Variants in TNFSF4 observed in about 807,000 individuals in gnomAD.
The protein encoded by TNFSF4 is tumor necrosis factor ligand superfamily member 4.
TNFSF4 carries 4 observed loss-of-function variants against 7.3 expected under a neutral mutation model. The observed-to-expected ratio is 0.55, with a 90% CI of 0.27 to 1.25. TNFSF4 has a LOEUF of 1.25. Ranked by LOEUF, TNFSF4 falls within the 50% of genes most tolerant of loss-of-function variation. TNFSF4 has a pLI of 0.12. For synonymous variants in TNFSF4, 76 were observed against 83.7 expected (o/e 0.91, Z 0.50); for missense variants, 181 against 208.8 (o/e 0.87, Z 0.82).
chr1:173,426,005 A>G, the TNFSF4 span, among the ~76,000 whole-genome samples: 1 of 152,276 alleles, frequency 6.6e-6, no homozygotes, highest in Non-Finnish European at 1.5e-5. Context: ...GAGAAAAGGC[A>G]TATAGACTTA....
the TNFSF4 span, among the ~76,000 whole-genome samples, chr1:173,368,840 C>G: frequency 6.6e-5 from 10 of 152,168 alleles, no homozygotes; most frequent in Non-Finnish European, 1.0e-4. Flanking sequence ...TTCCTCCCAC[C>G]TCTCTTCTCC....
At chr1:173,390,737 C>CTTTTTTTTTTTTTTTTTTTTTTTTTTTTT in the TNFSF4 span, among the ~76,000 whole-genome samples, 1 of 131,602 alleles carries the variant, frequency 7.6e-6, no homozygotes, top group African/African-American at 2.9e-5. Context: ...CATTCTGCTT[C>CTTTTTTTTTTTTTTTTTTTTTTTTTTTTT]TTTTTTTTTT....
At chr1:173,409,719 A>T in the TNFSF4 span, among the ~76,000 whole-genome samples, 1 of 152,278 alleles carries the variant, frequency 6.6e-6, no homozygotes, top group South Asian at 2.1e-4. Flanking sequence ...TCTGGCATAA[A>T]AATATGACTC....
Position 173,205,559 on chromosome 1 carries a change from A to G in TNFSF4, c.153+1465T>C, listed in dbSNP as rs1258116021. On this transcript the variant is annotated intron_variant, in intron 1 of 2. Transcript: ENST00000281834. ...AATGGAGCCATGTGTCCTGTGTTTTATCATCCCATGGTGTAAGGAAATATG... is the reference window on the plus strand; with the variant it reads ...AATGGAGCCATGTGTCCTGTGTTTTGTCATCCCATGGTGTAAGGAAATATG... 5 of 1,291,134 alleles carry G rather than the reference A, an allele frequency of 3.9e-6. No homozygotes were observed. The African/African-American group carries it at 7.5e-5, about 19-fold the overall frequency. The allele number at this position is 1,291,134 out of a possible 1,614,324, so 80.0% of individuals were successfully genotyped here.
the TNFSF4 span, among the ~76,000 whole-genome samples, chr1:173,408,631 G>T: frequency 6.6e-6 from 1 of 151,672 alleles, no homozygotes; most frequent in Non-Finnish European, 1.5e-5. Flanking sequence ...TCTCACTCCT[G>T]TCACTCAGGC....
chr1:173,295,716 T>C, the TNFSF4 span, among the ~76,000 whole-genome samples: 2 of 152,124 alleles, frequency 1.3e-5, no homozygotes, highest in South Asian at 4.1e-4. Flanking sequence ...ATCTTCAACG[T>C]CATCTTATCC....
chr1:173,443,595 T>C, the TNFSF4 span, among the ~76,000 whole-genome samples: 3 of 152,182 alleles, frequency 2.0e-5, no homozygotes, highest in Non-Finnish European at 2.9e-5. Flanking sequence ...TAGATATAAA[T>C]AGACACATAT....
At chr1:173,366,491 G>A in the TNFSF4 span, among the ~76,000 whole-genome samples, 1 of 152,188 alleles carries the variant, frequency 6.6e-6, no homozygotes, top group Non-Finnish European at 1.5e-5. Flanking sequence ...TGGAGGGGTT[G>A]AAGGAAACAG....
the TNFSF4 span, among the ~76,000 whole-genome samples, chr1:173,272,960 T>A: frequency 6.6e-6 from 1 of 152,132 alleles, no homozygotes; most frequent in African/African-American, 2.4e-5. Flanking sequence ...TGGAACCCAT[T>A]GAGTGAGAAG....
At chr1:173,443,394 A>G in the TNFSF4 span, among the ~76,000 whole-genome samples, 2 of 152,204 alleles carry the variant, frequency 1.3e-5, no homozygotes, top group Non-Finnish European at 2.9e-5. Context: ...CATGCATACA[A>G]TGATTACAAT....
At chr1:173,194,149 C>T (rs1649597959) in intron 1 of TNFSF4, among the ~76,000 whole-genome samples, 2 of 152,306 alleles carry the variant, frequency 1.3e-5, no homozygotes, top group African/African-American at 4.8e-5. Flanking sequence ...AAAAAGCATG[C>T]CTGTCCAAAA....
chr1:173,357,778 G>T, the TNFSF4 span, among the ~76,000 whole-genome samples: 1 of 152,020 alleles, frequency 6.6e-6, no homozygotes, highest in African/African-American at 2.4e-5. Flanking sequence ...CAGGTGATCT[G>T]CCCGCCTCAG....
intron 1 of TNFSF4, among the ~76,000 whole-genome samples, chr1:173,193,949 A>ATGT (rs931242248): frequency 1.6e-4 from 25 of 152,264 alleles, no homozygotes; most frequent in East Asian, 7.7e-4. Context: ...CCACCAAAAT[A>ATGT]TGTTGTTGTT....
chr1:173,210,118 TA>T (rs556575284), upstream of TNFSF4, among the ~76,000 whole-genome samples: 6 of 151,810 alleles, frequency 4.0e-5, no homozygotes, highest in Non-Finnish European at 8.8e-5. Context: ...TTTTTGGTGA[TA>T]AAAAAAATCT....
At chr1:173,389,561 G>T in the TNFSF4 span, among the ~76,000 whole-genome samples, 60 of 152,222 alleles carry the variant, frequency 3.9e-4, no homozygotes, top group African/African-American at 1.4e-3. Flanking sequence ...AAGCAAGCCT[G>T]ACTTTATAAT....
At chr1:173,445,652 ATGGTCC>A in the TNFSF4 span, among the ~76,000 whole-genome samples, 18 of 152,116 alleles carry the variant, frequency 1.2e-4, no homozygotes, top group African/African-American at 4.3e-4. Flanking sequence ...AGCACCCAAA[ATGGTCC>A]TGGTCACAGG....
the TNFSF4 span, among the ~76,000 whole-genome samples, chr1:173,287,556 A>G: frequency 9.2e-5 from 14 of 152,308 alleles, no homozygotes; most frequent in African/African-American, 7.2e-5. Context: ...ATGATTCAGC[A>G]ATTATACTAC....
chr1:173,225,467 G>T, the TNFSF4 span, among the ~76,000 whole-genome samples: 1 of 152,080 alleles, frequency 6.6e-6, no homozygotes, highest in Non-Finnish European at 1.5e-5. Flanking sequence ...TGTATGCTTG[G>T]CTTTGCCCTT....
chr1:173,313,361 C>G, the TNFSF4 span, among the ~76,000 whole-genome samples: 1 of 152,072 alleles, frequency 6.6e-6, no homozygotes, highest in East Asian at 1.9e-4. Context: ...CTAACATTCT[C>G]AATTGAATAA....
Sources: allele counts gnomAD v4.1 joint callset (sites outside exome capture counted in the v4.1 genomes callset), GRCh38; gene constraint gnomAD v4.1.1; transcripts MANE v1.5; gene names NCBI Gene and HGNC (gene_info 2026-07-23, HGNC 2026-07-21).